HMCN1: variants seen among roughly 807,000 people sequenced by gnomAD.
HMCN1 encodes hemicentin 1.
A neutral mutation model predicts 625.9 loss-of-function variants in HMCN1; 321 were observed. That is an observed-to-expected ratio of 0.51 (90% CI 0.47 to 0.56). HMCN1 has a LOEUF of 0.56. Among genes scored for constraint, HMCN1 ranks in the 20% least tolerant of loss-of-function variants. The pLI, the probability that HMCN1 is intolerant of heterozygous loss-of-function variation, is 0.00. For synonymous variants in HMCN1, 2,425 were observed against 2,417.6 expected (o/e 1.00, Z -0.09); for missense variants, 6,588 against 6,887.3 (o/e 0.96, Z 1.54).
At chr1:185,839,544 GT>G (rs1464985867) in intron 1 of HMCN1, among the ~76,000 whole-genome samples, 4 of 152,154 alleles carry the variant, frequency 2.6e-5, no homozygotes, top group Non-Finnish European at 5.9e-5. Flanking sequence ...AGGATTACAT[GT>G]AAAGCTGAGA....
At chr1:186,168,814 G>A (rs1652050170) in intron 100 of HMCN1, among the ~76,000 whole-genome samples, 1 of 152,030 alleles carries the variant, frequency 6.6e-6, no homozygotes, top group Admixed American at 6.6e-5. Flanking sequence ...TACAGAAAGT[G>A]CAGGTTTGTT....
At chr1:186,040,779 TA>T (rs535217193) in intron 39 of HMCN1, among the ~76,000 whole-genome samples, 132 of 152,272 alleles carry the variant, frequency 8.7e-4, no homozygotes, top group African/African-American at 3.0e-3. Flanking sequence ...ATGCTGTATG[TA>T]AAGACTTATT....
At chr1:186,047,118 T>C (rs1322374953) in intron 41 of HMCN1, among the ~76,000 whole-genome samples, 2 of 151,330 alleles carry the variant, frequency 1.3e-5, no homozygotes, top group African/African-American at 4.9e-5. Context: ...TGGGTGTGAG[T>C]GAAAGGGAGC....
chr1:185,836,838 G>A (rs577644250), intron 1 of HMCN1, among the ~76,000 whole-genome samples: 72 of 152,140 alleles, frequency 4.7e-4, no homozygotes, highest in Admixed American at 4.3e-3. Context: ...GTGTCCATAT[G>A]TATTCAATGT....
intron 50 of HMCN1, among the ~76,000 whole-genome samples, chr1:186,069,184 T>C (rs1658327784): frequency 6.6e-6 from 1 of 152,012 alleles, no homozygotes. Flanking sequence ...AAAGCTGGAG[T>C]CATGTTTTGA....
At chr1:185,808,811 A>G (rs1049652693) in intron 1 of HMCN1, among the ~76,000 whole-genome samples, 1 of 152,142 alleles carries the variant, frequency 6.6e-6, no homozygotes, top group African/African-American at 2.4e-5. Flanking sequence ...TCTTTCTTTG[A>G]CTATTAATAA....
intron 11 of HMCN1, among the ~76,000 whole-genome samples, chr1:185,941,953 G>T (rs1207040498): frequency 6.6e-6 from 1 of 152,000 alleles, no homozygotes; most frequent in Non-Finnish European, 1.5e-5. Flanking sequence ...AGCACTTTGG[G>T]AGGCAAGATG....
At chr1:185,740,865 G>A (rs1454307441) in intron 1 of HMCN1, among the ~76,000 whole-genome samples, 1 of 151,970 alleles carries the variant, frequency 6.6e-6, no homozygotes, top group Non-Finnish European at 1.5e-5. Context: ...ATGGTGGCAC[G>A]TGCCTATAGT....
At chr1:185,989,772 ATT>A (rs1156913510) in intron 21 of HMCN1, 125 bp downstream of exon 21, 40,918 of 516,804 alleles carry the variant, frequency 0.079, 23 homozygotes, top group South Asian at 0.1. Flanking sequence ...CCAGATTTCT[ATT>A]TTTTTTTTTT....
At chr1:185,914,299 T>G (rs1432596970) in intron 6 of HMCN1, among the ~76,000 whole-genome samples, 1 of 152,126 alleles carries the variant, frequency 6.6e-6, no homozygotes, top group African/African-American at 2.4e-5. Flanking sequence ...ATGTGCACTT[T>G]CTCAAGATGA....
At chr1:186,183,492 A>G (rs988137754) in intron 105 of HMCN1, among the ~76,000 whole-genome samples, 1 of 152,266 alleles carries the variant, frequency 6.6e-6, no homozygotes, top group Admixed American at 6.5e-5. Context: ...TTTCTTAAGA[A>G]CCTACCCCAT....
chr1:186,126,630 G>T (rs577666374), intron 82 of HMCN1, among the ~76,000 whole-genome samples: 1 of 152,092 alleles, frequency 6.6e-6, no homozygotes, highest in South Asian at 2.1e-4. Context: ...CAGACCGGGG[G>T]AAAAACAAAA....
intron 11 of HMCN1, among the ~76,000 whole-genome samples, chr1:185,936,424 TTATC>T (rs1050429640): frequency 2.0e-5 from 3 of 152,164 alleles, no homozygotes; most frequent in Admixed American, 6.6e-5. Flanking sequence ...TATAGAACAT[TTATC>T]TATATTTTAA....
chr1:186,038,650 G>A (rs189178556), intron 37 of HMCN1, among the ~76,000 whole-genome samples, 179 bp from the exon 38 acceptor site: 18 of 152,204 alleles, frequency 1.2e-4, no homozygotes, highest in Admixed American at 3.9e-4. Flanking sequence ...TTGGATCTTG[G>A]TGTTTTTCTA....
In HMCN1 at chr1:186,001,671, A is replaced by G. The variant is rs750045357; in HGVS notation, c.4278A>G (p.Ala1426=). Residue 1426 remains alanine (A), a synonymous_variant, in exon 28 of 107, where the codon GCA becomes GCG. Coordinates refer to ENST00000271588, the MANE Select transcript of HMCN1 (RefSeq NM_031935.3). ...TCTTCAGAGCCACTCCAGAGGATGC[A>G]GGAAGATATTCCTGCAAAGCAATTA... The part of the protein sequence containing the change: ...LKLFRATPED[A]GRYSCKAINI... 1.3e-5 allele frequency: 21 copies of G among 1,612,624 alleles called. No individual in the cohort carries two copies. In the Middle Eastern group the frequency reaches 4.9e-4, roughly 38 times the overall value.
Position 186,144,216 on chromosome 1 carries a change from C to T in HMCN1, c.13968C>T (p.Ser4656=), listed in dbSNP as rs3737942. 18,442 of 1,610,976 alleles carry T rather than the reference C, an allele frequency of 0.011. 1,333 individuals are homozygous for T. In the Admixed American group the frequency reaches 0.17, roughly 15 times the overall value. The change falls in exon 90 of 107, where the codon AGC becomes AGT. Residue 4656 remains serine (S), a synonymous_variant. Transcript: ENST00000271588. ...WSAWQPWGTC[S]ESCGKGTQTR... ...CTTGGCAGCCTTGGGGAACATGCAG[C>T]GAAAGTTGTGGGAAAGGTACTCAGA...
Position 185,861,271 on chromosome 1 carries a change from C to T in HMCN1, c.340-3199C>T, listed in dbSNP as rs186388320. ...TCCTTCTATTCCTAATATGTGCCTT[C>T]AGATATTTCTTAGCTGTCCTCATGT... On this transcript the variant is annotated intron_variant, in intron 2 of 106. Transcript: ENST00000271588. Among the ~76,000 whole-genome samples the T allele has an allele frequency of 1.2e-3, 188 of 152,302 alleles. 1 individual carries two copies. The highest frequency in any genetic ancestry group is 1.6e-3 in the African/African-American group (66 of 41,560).
At chr1:185,894,341 G>T (rs1258013659) in intron 4 of HMCN1, among the ~76,000 whole-genome samples, 2 of 152,128 alleles carry the variant, frequency 1.3e-5, no homozygotes, top group African/African-American at 4.8e-5. Flanking sequence ...CATTCTCATT[G>T]ATGTATAGTA....
intron 69 of HMCN1, among the ~76,000 whole-genome samples, chr1:186,105,885 A>G (rs1308491791): frequency 1.3e-5 from 2 of 152,220 alleles, no homozygotes; most frequent in East Asian, 3.8e-4. Flanking sequence ...TTAGTTTTAG[A>G]GATTTTAAAG....
Sources: gnomAD v4.1 joint callset for allele counts (sites outside exome capture counted in the v4.1 genomes callset) on GRCh38, gnomAD v4.1.1 for gene constraint, MANE v1.5 for transcripts, NCBI Gene and HGNC (gene_info 2026-07-23, HGNC 2026-07-21) for gene names.